Variants in MACC1 observed in about 807,000 individuals in gnomAD.
The protein encoded by MACC1 is metastasis-associated in colon cancer protein 1.
In MACC1, 79 loss-of-function variants were observed where a neutral mutation model predicts 70.7. The ratio of observed to expected loss-of-function variants is 1.12; its 90% confidence interval spans 0.93 to 1.35. The LOEUF is 1.35. Ranked by LOEUF, MACC1 falls within the 40% of genes most tolerant of loss-of-function variation. MACC1 has a pLI of 0.00. For missense variants in MACC1, 1,106 were observed against 978.1 expected (o/e 1.13, Z -1.74); for synonymous variants, 361 against 347.2 (o/e 1.04, Z -0.44).
chr7:20,146,321 G>A (rs1188031054), intron 6 of MACC1, among the ~76,000 whole-genome samples: 5 of 151,952 alleles, frequency 3.3e-5, no homozygotes, highest in Non-Finnish European at 5.9e-5. Context: ...TATTTTTTCT[G>A]CATTTTTTAT....
chr7:20,208,793 C>T lies in MACC1; in HGVS notation c.-218+8506G>A, dbSNP rs564731332. Among the ~76,000 whole-genome samples, 87 of 152,324 alleles carry T rather than the reference C, an allele frequency of 5.7e-4. 2 individuals are homozygous for T. In the Middle Eastern group the frequency reaches 0.02, roughly 36 times the overall value. On this transcript the variant is annotated intron_variant, in intron 1 of 6. Transcript: ENST00000400331. ...TGTCAGAGACTTCAAGGCAGCCCCT[C>T]GAATCACAGGCCCAGAGGCCTAGGA...
intron 6 of MACC1, chr7:20,142,107 G>T (rs755474428): frequency 6.6e-6 from 1 of 152,152 alleles, no homozygotes; most frequent in Non-Finnish European, 1.5e-5. Context: ...TCTATCACTT[G>T]CAAAATGTAG....
intron 1 of MACC1, among the ~76,000 whole-genome samples, chr7:20,191,853 G>A (rs73278503): frequency 0.012 from 1,823 of 152,296 alleles, 44 homozygotes; most frequent in African/African-American, 0.042. Context: ...AGGCAAGGAG[G>A]TAAGTGGCTT....
rs931433321 is a variant in MACC1 at position 20,136,797 on chromosome 7, G to A, written c.*4149C>T. 1.8e-4 allele frequency: 27 copies of A among 151,090 alleles called. No individual in the cohort carries two copies. Among genetic ancestry groups the A allele is most frequent in the African/African-American group, 5.1e-4 (21 of 41,314 alleles). 9.4% of individuals were successfully genotyped at this position (151,090 alleles called of 1,614,324 possible). A position where few individuals can be genotyped will look rare whatever the true frequency, so the allele number is the denominator to read the frequency against. Reference sequence around the variant, plus strand: ...TTCTCCTCCTTGCGATTATTATTGCGATTAAGGATTATTATTAATTCTTAA... The same window carrying A: ...TTCTCCTCCTTGCGATTATTATTGCAATTAAGGATTATTATTAATTCTTAA... On this transcript the variant is annotated 3_prime_UTR_variant, in exon 7 of 7. Transcript: ENST00000400331.
chr7:20,177,498 A>C (rs927738156), intron 1 of MACC1, among the ~76,000 whole-genome samples: 1 of 152,068 alleles, frequency 6.6e-6, no homozygotes, highest in Non-Finnish European at 1.5e-5. Context: ...AAGTATGTGA[A>C]GGTTATATTT....
Position 20,158,864 on chromosome 7 carries a change from C to T in MACC1, c.1497G>A (p.Gln499=). Residue 499 remains glutamine, a synonymous_variant, in exon 5 of 7, where the codon CAG becomes CAA. Coordinates refer to ENST00000400331, the MANE Select transcript of MACC1 (RefSeq NM_182762.4). ...TTGGATCAGGAGTAGTGATAGAGAACTGTGCAACTGGTTCACCATTGGGAG... is the reference window on the plus strand; with the variant it reads ...TTGGATCAGGAGTAGTGATAGAGAATTGTGCAACTGGTTCACCATTGGGAG... ...VEPPNGEPVA[Q]FSITTPDPTP... 1.2e-6 allele frequency: 2 copies of T among 1,614,112 alleles called. No individual in the cohort carries two copies. The highest frequency in any genetic ancestry group is 1.7e-6 in the Non-Finnish European group (2 of 1,180,020).
chr7:20,171,545 C>T (rs564431425), intron 1 of MACC1, among the ~76,000 whole-genome samples: 5 of 151,492 alleles, frequency 3.3e-5, no homozygotes, highest in South Asian at 2.1e-4. Context: ...TGAGCCACCA[C>T]GCCCGGCTGA....
chr7:20,188,369 C>T (rs1782621417), intron 1 of MACC1, among the ~76,000 whole-genome samples: 1 of 152,172 alleles, frequency 6.6e-6, no homozygotes, highest in Non-Finnish European at 1.5e-5. Context: ...CAAGTCTCAC[C>T]TCTCAACAGG....
chr7:20,178,255 C>T (rs1321346227), intron 1 of MACC1, among the ~76,000 whole-genome samples: 1 of 114,126 alleles, frequency 8.8e-6, no homozygotes, highest in East Asian at 2.7e-4. Context: ...GAATGTTAAT[C>T]TTATTTCACA....
chr7:20,182,606 G>T (rs1257895910), intron 1 of MACC1, among the ~76,000 whole-genome samples: 3 of 152,156 alleles, frequency 2.0e-5, no homozygotes, highest in Non-Finnish European at 4.4e-5. Context: ...CTTTCCTACT[G>T]TATATAAACC....
At chr7:20,157,880 C>A (rs11974137) in intron 5 of MACC1, among the ~76,000 whole-genome samples, 7,347 of 151,926 alleles carry the variant, frequency 0.048, 599 homozygotes, top group African/African-American at 0.17. Flanking sequence ...TGTTATGGAG[C>A]CTCTCTGGTA....
intron 1 of MACC1, among the ~76,000 whole-genome samples, chr7:20,197,430 A>G (rs906115024): frequency 6.6e-6 from 1 of 152,170 alleles, no homozygotes; most frequent in African/African-American, 2.4e-5. Flanking sequence ...TTTGTATGTT[A>G]AATAAACTTA....
At chr7:20,162,125 A>T (rs1042903428) in intron 3 of MACC1, among the ~76,000 whole-genome samples, 1 of 152,070 alleles carries the variant, frequency 6.6e-6, no homozygotes, top group East Asian at 1.9e-4. Context: ...ATATAAAAGC[A>T]ATTAATGAGA....
chr7:20,161,352 G>A (rs556227413), intron 4 of MACC1, among the ~76,000 whole-genome samples: 1 of 151,998 alleles, frequency 6.6e-6, no homozygotes, highest in South Asian at 2.1e-4. Context: ...AAATAAAGGT[G>A]GCATTTCTCT....
At chr7:20,200,186 A>G (rs1051534676) in intron 1 of MACC1, among the ~76,000 whole-genome samples, 3 of 152,136 alleles carry the variant, frequency 2.0e-5, no homozygotes, top group African/African-American at 7.2e-5. Context: ...AAGGAAATAC[A>G]GGGGCTAACT....
chr7:20,187,709 G>T (rs1039689447), intron 1 of MACC1, among the ~76,000 whole-genome samples: 4 of 152,124 alleles, frequency 2.6e-5, no homozygotes, highest in African/African-American at 9.7e-5. Context: ...TTCAATTTGG[G>T]GTTGTTAACC....
At chr7:20,209,867 C>T (rs568469628) in intron 1 of MACC1, among the ~76,000 whole-genome samples, 232 of 152,234 alleles carry the variant, frequency 1.5e-3, no homozygotes, top group Non-Finnish European at 2.3e-3. Context: ...GGGGCAGTTC[C>T]CCCATGCTAC....
intron 1 of MACC1, among the ~76,000 whole-genome samples, chr7:20,214,597 A>G: frequency 6.6e-6 from 1 of 152,312 alleles, no homozygotes; most frequent in Middle Eastern, 3.4e-3. Context: ...CTATATATAA[A>G]TGTTATTTTA....
rs145787458 is a variant in MACC1, at chr7:20,173,589, G to A, written c.-217-2811C>T. 3.2e-4 allele frequency among the ~76,000 whole-genome samples: 48 copies of A among 152,282 alleles called. 3 individuals carry two copies. The highest frequency in any genetic ancestry group is 1.1e-3 in the African/African-American group (44 of 41,568). On this transcript the variant is annotated intron_variant, in intron 1 of 6. Coordinates refer to ENST00000400331, the MANE Select transcript of MACC1 (RefSeq NM_182762.4). The stretch of plus-strand genomic sequence containing the variant: ...GGCATAAGTCCTTGTTCTGCCTCTA[G>A]CTTATGCAAAAAGTGGGTTGCAAAT...
Sources: allele counts gnomAD v4.1 joint callset (sites outside exome capture counted in the v4.1 genomes callset), GRCh38; gene constraint gnomAD v4.1.1; transcripts MANE v1.5; gene names NCBI Gene and HGNC (gene_info 2026-07-23, HGNC 2026-07-21).